STX6: variants seen among roughly 807,000 people sequenced by gnomAD.
STX6 encodes the protein syntaxin 6, also known as syntaxin-6.
STX6 carries 23 observed loss-of-function variants against 38.0 expected under a neutral mutation model. That is an observed-to-expected ratio of 0.60 (90% CI 0.43 to 0.86). The LOEUF (loss-of-function observed/expected upper bound fraction) is 0.86, where lower values mean the gene tolerates loss of function less well. Among genes scored for constraint, STX6 ranks in the 40% least tolerant of loss-of-function variants. STX6 has a pLI of 0.00. For synonymous variants in STX6, 123 were observed against 107.5 expected, an observed-to-expected ratio of 1.14 and a Z score of -0.89; for missense variants, 274 against 312.9, an observed-to-expected ratio of 0.88 and a Z score of 0.94.
At position 180,990,088 on chromosome 1, in the gene STX6, T is replaced by A; in HGVS notation, c.385A>T (p.Ser129Cys). 6.2e-7 allele frequency: 1 copy of A among 1,614,150 alleles called. No homozygotes were observed. The highest frequency in any genetic ancestry group is 2.2e-5 in the East Asian group (1 of 44,878). Residue 129 changes from serine (S) to cysteine (C), a missense_variant, in exon 5 of 8, where the codon AGC becomes TGC. Physicochemically the swap from Ser to Cys is moderately radical, Grantham distance 112. Transcript: ENST00000258301. ...NRQALLGDSG[S>C]QNWSTGTTDK... The stretch of plus-strand genomic sequence containing the variant: ...GTTGTTCCAGTGCTCCAGTTCTGGC[T>A]GCCACTGTCTCCCAGCAGTGCCTGT...
In STX6 at chr1:180,973,760, TAG is replaced by T. The variant is rs1283440456; in HGVS notation, c.*2808_*2809del. On this transcript the variant is annotated 3_prime_UTR_variant, in exon 8 of 8. Coordinates refer to ENST00000258301, the MANE Select transcript of STX6 (RefSeq NM_005819.6). Reference sequence around the variant, plus strand: ...AAAAATGAGGACTAAAAACTAAAGGTAGCTGAGTTTTTCAGATGGATTTTCAC... The same window carrying T: ...AAAAATGAGGACTAAAAACTAAAGGTCTGAGTTTTTCAGATGGATTTTCAC... 1 of 152,448 alleles carries T rather than the reference TAG, an allele frequency of 6.6e-6. No individual in the cohort carries two copies. The highest frequency in any genetic ancestry group is 1.9e-4 in the East Asian group (1 of 5,202). 9.4% of individuals were successfully genotyped at this position (152,448 alleles called of 1,614,324 possible). A position where few individuals can be genotyped will look rare whatever the true frequency, so the allele number is the denominator to read the frequency against.
chr1:180,991,538 TTCC>T (rs1655756573), intron 4 of STX6, among the ~76,000 whole-genome samples: 1 of 152,246 alleles, frequency 6.6e-6, no homozygotes, highest in Non-Finnish European at 1.5e-5. Flanking sequence ...AGGGCTATTT[TTCC>T]TACGTTTTCC....
At chr1:181,003,781 G>GGA (rs1553265618) in intron 2 of STX6, among the ~76,000 whole-genome samples, 4 of 151,970 alleles carry the variant, frequency 2.6e-5, no homozygotes, top group Admixed American at 1.3e-4. Flanking sequence ...TTTCCAGTTG[G>GGA]AAAAAAAGGC....
chr1:180,990,525 G>T (rs1655726022), intron 4 of STX6, among the ~76,000 whole-genome samples: 1 of 147,880 alleles, frequency 6.8e-6, no homozygotes, highest in Non-Finnish European at 1.5e-5. Context: ...AAAAAAGTGT[G>T]ACCCAGGGGA....
In STX6 at chr1:181,022,629, C is replaced by G. The variant is rs1452826724; in HGVS notation, c.35+10G>C. On this transcript the variant is annotated intron_variant, in intron 1 of 7. Coordinates refer to ENST00000258301, the MANE Select transcript of STX6 (RefSeq NM_005819.6). ...CTCTTCCTCCGGTGGAGCGCTCGGC[C>G]GACACTCACCCTTTCACCACAAAGA... 1 of 1,608,610 alleles carries G rather than the reference C, an allele frequency of 6.2e-7. No homozygotes were observed. Among genetic ancestry groups the G allele is most frequent in the Non-Finnish European group, 8.5e-7 (1 of 1,177,732 alleles).
intron 3 of STX6, among the ~76,000 whole-genome samples, chr1:181,000,625 T>A (rs1656053110): frequency 6.6e-6 from 1 of 152,206 alleles, no homozygotes; most frequent in African/African-American, 2.4e-5. Context: ...CTAAATCATA[T>A]CAACCTCTTT....
intron 3 of STX6, among the ~76,000 whole-genome samples, chr1:180,999,898 G>C (rs759149755): frequency 1.3e-5 from 2 of 151,676 alleles, no homozygotes; most frequent in Non-Finnish European, 2.9e-5. Flanking sequence ...CCTCTCTATC[G>C]AGCTCTTCCA....
At chr1:181,010,071 A>G (rs529989518) in intron 1 of STX6, among the ~76,000 whole-genome samples, 1 of 152,184 alleles carries the variant, frequency 6.6e-6, no homozygotes, top group Non-Finnish European at 1.5e-5. Context: ...GGTGCTCGAC[A>G]TGGGGGAAGG....
intron 7 of STX6, among the ~76,000 whole-genome samples, chr1:180,980,223 A>C (rs1214593372): frequency 6.6e-6 from 1 of 150,900 alleles, no homozygotes; most frequent in African/African-American, 2.4e-5. Flanking sequence ...AAAAAAAAAA[A>C]CACCATGAAA....
At chr1:181,004,518 C>T (rs190203765) in intron 2 of STX6, among the ~76,000 whole-genome samples, 9 of 152,290 alleles carry the variant, frequency 5.9e-5, no homozygotes, top group African/African-American at 9.6e-5. Context: ...TCCACAAACA[C>T]CAAAAGGACA....
intron 4 of STX6, among the ~76,000 whole-genome samples, chr1:180,992,858 A>G (rs1320958792): frequency 6.6e-6 from 1 of 152,216 alleles, no homozygotes; most frequent in Non-Finnish European, 1.5e-5. Flanking sequence ...TTTACATCAA[A>G]TGTCAATCCT....
rs934047191 is a variant in STX6, at chr1:181,022,798, G to C, written c.-125C>G. 11 of 932,922 alleles carry C rather than the reference G, an allele frequency of 1.2e-5. No homozygotes were observed. The highest frequency in any genetic ancestry group is 3.3e-5 in the African/African-American group (2 of 61,150). The allele number at this position is 932,922 out of a possible 1,614,324, so 57.8% of individuals were successfully genotyped here. A position where few individuals can be genotyped will look rare whatever the true frequency, so the allele number is the denominator to read the frequency against. ...GCCTTAGTCTGGGTGAAGCCGAGCA[G>C]CGGGCACGCGCACAGGCCAGGTGCA... On this transcript the variant is annotated 5_prime_UTR_variant, in exon 1 of 8. Transcript: ENST00000258301.
rs1400180113 is a variant in STX6, at chr1:180,974,772, T to C, written c.*1798A>G. On this transcript the variant is annotated 3_prime_UTR_variant, in exon 8 of 8. Transcript: ENST00000258301. ...CATAAATAACCTAGTACTCTAAACA[T>C]CTGAAGCCCTTTGTAATACTCACTG... 1 of 152,620 alleles carries C rather than the reference T, an allele frequency of 6.6e-6. No homozygotes were observed. Among genetic ancestry groups the C allele is most frequent in the African/African-American group, 2.4e-5 (1 of 41,462 alleles). 9.5% of individuals were successfully genotyped at this position (152,620 alleles called of 1,614,324 possible). A position where few individuals can be genotyped will look rare whatever the true frequency, so the allele number is the denominator to read the frequency against.
chr1:181,006,893 A>G (rs191365052), intron 1 of STX6, among the ~76,000 whole-genome samples: 95 of 152,336 alleles, frequency 6.2e-4, no homozygotes, highest in African/African-American at 2.2e-3. Flanking sequence ...ATGGACAACA[A>G]ATCTACCAAC....
chr1:181,014,405 A>G (rs867738172), intron 1 of STX6, among the ~76,000 whole-genome samples: 14 of 145,716 alleles, frequency 9.6e-5, no homozygotes, highest in Middle Eastern at 3.4e-3. Context: ...AAAAAAAAAA[A>G]GAAAAAAAAA....
intron 6 of STX6, among the ~76,000 whole-genome samples, chr1:180,986,014 C>A (rs1185123550): frequency 6.6e-6 from 1 of 152,368 alleles, no homozygotes. Flanking sequence ...ATTTTAGATC[C>A]TGGCAGCATC....
At chr1:180,984,264 A>T (rs1655505842) in intron 7 of STX6, among the ~76,000 whole-genome samples, 1 of 150,364 alleles carries the variant, frequency 6.7e-6, no homozygotes, top group African/African-American at 2.4e-5. Flanking sequence ...GAAAGGGATC[A>T]GCTAGGCACG....
At chr1:181,011,493 G>A (rs1017907233) in intron 1 of STX6, among the ~76,000 whole-genome samples, 1 of 152,198 alleles carries the variant, frequency 6.6e-6, no homozygotes, top group Non-Finnish European at 1.5e-5. Flanking sequence ...AAGCATGTGG[G>A]ATTTCTAACA....
intron 1 of STX6, among the ~76,000 whole-genome samples, chr1:181,014,243 A>T (rs1420487367): frequency 2.0e-5 from 3 of 152,074 alleles, no homozygotes; most frequent in Non-Finnish European, 4.4e-5. Flanking sequence ...AAAATACAAA[A>T]ATTAGCCGGG....
Sources: allele counts gnomAD v4.1 joint callset (sites outside exome capture counted in the v4.1 genomes callset), GRCh38; gene constraint gnomAD v4.1.1; transcripts MANE v1.5; gene names NCBI Gene and HGNC (gene_info 2026-07-23, HGNC 2026-07-21).